Variants in MTMR9 observed in about 807,000 individuals in gnomAD.
The protein encoded by MTMR9 is myotubularin-related protein 9.
In MTMR9, 39 loss-of-function variants were observed where a neutral mutation model predicts 69.5. The ratio of observed to expected loss-of-function variants is 0.56; its 90% CI spans 0.43 to 0.73. The LOEUF (loss-of-function observed/expected upper bound fraction) is 0.73, where lower values mean the gene tolerates loss of function less well. Ranked by LOEUF, MTMR9 falls within the 30% of genes least tolerant of loss-of-function variation. MTMR9 has a pLI of 0.00. For missense variants in MTMR9, 900 were observed against 671.2 expected, an observed-to-expected ratio of 1.34 and a Z score of -3.77; for synonymous variants, 354 against 240.8, an observed-to-expected ratio of 1.47 and a Z score of -4.35.
intron 1 of MTMR9, chr8:11,285,278 G>A (rs1799107148): frequency 1.9e-6 from 1 of 525,976 alleles, no homozygotes; most frequent in Non-Finnish European, 3.3e-6. Context: ...AGTTCTCAGG[G>A]TTATCGTGTG....
In MTMR9 at chr8:11,323,346, C is replaced by G. The variant is rs1800780635; in HGVS notation, c.*558C>G. ...TGGACTAACGAAGCTGAAATCTATT[C>G]TCATTCTTGTTTGTCAAGAAAGGAA... On this transcript the variant is annotated 3_prime_UTR_variant, in exon 10 of 10. Coordinates refer to ENST00000221086, the MANE Select transcript of MTMR9 (RefSeq NM_015458.4). 6.6e-6 allele frequency: 1 copy of G among 152,220 alleles called. No individual in the cohort carries two copies. Among genetic ancestry groups the G allele is most frequent in the Non-Finnish European group, 1.5e-5 (1 of 68,028 alleles). The allele number at this position is 152,220 out of a possible 1,614,324, so 9.4% of individuals were successfully genotyped here. A position where few individuals can be genotyped will look rare whatever the true frequency, so the allele number is the denominator to read the frequency against.
chr8:11,286,933 C>T (rs1415822956), intron 1 of MTMR9, among the ~76,000 whole-genome samples: 1 of 152,116 alleles, frequency 6.6e-6, no homozygotes, highest in Non-Finnish European at 1.5e-5. Context: ...AATGCCTTGC[C>T]TCTCCCAAGT....
chr8:11,299,909 A>G (rs1213836718), intron 2 of MTMR9, 114 bp from the exon 3 acceptor site: 2 of 1,238,552 alleles, frequency 1.6e-6, no homozygotes, highest in African/African-American at 3.0e-5. Context: ...TTAGAGAAAC[A>G]TTCTGGGTGC....
At chr8:11,316,458 G>A (rs1800419030) in intron 7 of MTMR9, 2 of 398,380 alleles carry the variant, frequency 5.0e-6, no homozygotes, top group Admixed American at 4.2e-5. Flanking sequence ...TAGCCGCGCA[G>A]CCTCATTAAG....
rs761461863 is a variant in MTMR9 at position 11,284,916 on chromosome 8, C to A, written c.28C>A (p.Pro10Thr). Reference protein sequence around the residue: MEFAELIKTPRVDNVVLHRP... With the variant: MEFAELIKTTRVDNVVLHRP... ...GGAGTTTGCGGAGCTGATTAAGACCCCGCGGGTGGACAATGTGGTGCTGCA... is the reference window on the plus strand; with the variant it reads ...GGAGTTTGCGGAGCTGATTAAGACCACGCGGGTGGACAATGTGGTGCTGCA... Residue 10 changes from proline (P) to threonine (T), a missense_variant, in exon 1 of 10, where the codon CCG becomes ACG. Transcript: ENST00000221086. The A allele has an allele frequency of 6.2e-7, 1 of 1,611,696 alleles. No homozygotes were observed. The highest frequency in any genetic ancestry group is 8.5e-7 in the Non-Finnish European group (1 of 1,178,980).
downstream of MTMR9, among the ~76,000 whole-genome samples, chr8:11,330,346 C>T (rs1296957712): frequency 2.6e-5 from 4 of 152,006 alleles, no homozygotes; most frequent in East Asian, 5.9e-4. Flanking sequence ...AGGTGGGGGG[C>T]GCCTCTGCCC....
At chr8:11,331,566 C>A, downstream of MTMR9, 10 of 1,613,928 alleles carry the variant, frequency 6.2e-6, no homozygotes, top group Non-Finnish European at 8.5e-6. Context: ...GAGCCAGGGT[C>A]TCGGTGGCTA....
chr8:11,329,341 C>T (rs1421624630), downstream of MTMR9, among the ~76,000 whole-genome samples: 1 of 152,260 alleles, frequency 6.6e-6, no homozygotes, highest in Non-Finnish European at 1.5e-5. Context: ...CCCTCTCTTT[C>T]CATGGTCTCC....
At position 11,309,692 on chromosome 8, in the gene MTMR9, A is replaced by C. The variant is rs1223934969; in HGVS notation, c.971+4A>C. 2 of 1,613,000 alleles carry C rather than the reference A, an allele frequency of 1.2e-6. No individual in the cohort carries two copies. Among genetic ancestry groups the C allele is most frequent in the African/African-American group, 1.3e-5 (1 of 74,854 alleles). ...TAGCGGCTCAGTGCATCGACAGGTA[A>C]AGTGCATTTCAGCGTTCCTGAGCGA... On this transcript the variant is annotated splice_donor_region_variant and intron_variant, in intron 6 of 9. Transcript: ENST00000221086.
intron 1 of MTMR9, among the ~76,000 whole-genome samples, chr8:11,291,708 C>G (rs573120951): frequency 1.2e-3 from 187 of 152,202 alleles, no homozygotes; most frequent in African/African-American, 4.3e-3. Flanking sequence ...ACCTGCCAGA[C>G]TAACAAAACA....
rs1254003329 is a variant in MTMR9 at position 11,327,903 on chromosome 8, T to C, written c.*5115T>C. The stretch of plus-strand genomic sequence containing the variant: ...TAACATTTTAATATTGTTTGTAATA[T>C]TCACTAGGTGATAATTTCCCCTGTA... On this transcript the variant is annotated 3_prime_UTR_variant, in exon 10 of 10. Transcript: ENST00000221086. The C allele has an allele frequency of 1.3e-5, 2 of 152,458 alleles. No homozygotes were observed. Among genetic ancestry groups the C allele is most frequent in the Non-Finnish European group, 2.9e-5 (2 of 68,040 alleles). The allele number at this position is 152,458 out of a possible 1,614,324, so 9.4% of individuals were successfully genotyped here.
At chr8:11,294,708 C>G (rs1799489382) in intron 1 of MTMR9, 1 of 152,424 alleles carries the variant, frequency 6.6e-6, no homozygotes, top group Non-Finnish European at 1.5e-5. Context: ...CCAGGATGGT[C>G]TTGATCTCCT....
In MTMR9 at chr8:11,295,154, A is replaced by G. The variant is rs376438250; in HGVS notation, c.183-40A>G. The G allele has an allele frequency of 6.0e-6, 6 of 998,336 alleles. No homozygotes were observed. The African/African-American group carries it at 9.7e-5, about 16-fold the overall frequency. 61.8% of individuals were successfully genotyped at this position (998,336 alleles called of 1,614,324 possible). A position where few individuals can be genotyped will look rare whatever the true frequency, so the allele number is the denominator to read the frequency against. ...AAATAATAATATATTTAAAGTTAGT[A>G]ATATATGTGTTCCTAAACATGATTT... On this transcript the variant is annotated intron_variant, in intron 1 of 9. Transcript: ENST00000221086.
chr8:11,286,666 C>CAAAAAAAA (rs869105936), intron 1 of MTMR9, among the ~76,000 whole-genome samples: 1 of 71,660 alleles, frequency 1.4e-5, no homozygotes, highest in Non-Finnish European at 2.8e-5. Context: ...AACTCCATCT[C>CAAAAAAAA]AAAAAAAAAA....
At chr8:11,303,482 C>G (rs902307508) in intron 3 of MTMR9, among the ~76,000 whole-genome samples, 1 of 151,962 alleles carries the variant, frequency 6.6e-6, no homozygotes, top group Non-Finnish European at 1.5e-5. Flanking sequence ...GAACAGATAA[C>G]TACATTTTTT....
chr8:11,289,062 C>T (rs529411425), intron 1 of MTMR9, among the ~76,000 whole-genome samples: 89 of 152,088 alleles, frequency 5.9e-4, no homozygotes, highest in Non-Finnish European at 5.7e-4. Flanking sequence ...ATCCCAGCTA[C>T]TCAGGAGGCT....
chr8:11,322,710 A>T lies in MTMR9; in HGVS notation c.1572A>T (p.Glu524Asp), dbSNP rs757588602. The T allele has an allele frequency of 6.2e-6, 10 of 1,614,152 alleles. No homozygotes were observed. In the Admixed American group the frequency reaches 1.7e-4, roughly 27 times the overall value. ...EMVNIIEYNK[E>D]LQAKVNILRR... ...TTAACATCATTGAATATAATAAAGA[A>T]TTACAAGCAAAAGTCAATATCCTTC... Residue 524 changes from glutamate (E) to aspartate (D), a missense_variant, in exon 10 of 10, where the codon GAA (glutamate) becomes GAT (aspartate). By Grantham distance (45) the Glu-to-Asp change is conservative. Coordinates refer to ENST00000221086, the MANE Select transcript of MTMR9 (RefSeq NM_015458.4).
intron 2 of MTMR9, chr8:11,298,956 C>A: frequency 1.2e-6 from 1 of 809,724 alleles, no homozygotes; most frequent in Non-Finnish European, 1.5e-6. Context: ...TATGATGATA[C>A]ATGACCAAAT....
rs989603382 is a variant in MTMR9, at chr8:11,324,997, C to T, written c.*2209C>T. ...GTACCATCAAGGTAGACCCATCTTCCTGATGCACATTTGCTGTGCGAGCCA... is the reference window on the plus strand; with the variant it reads ...GTACCATCAAGGTAGACCCATCTTCTTGATGCACATTTGCTGTGCGAGCCA... On this transcript the variant is annotated 3_prime_UTR_variant, in exon 10 of 10. Transcript: ENST00000221086. 1 of 152,232 alleles carries T rather than the reference C, an allele frequency of 6.6e-6. No individual in the cohort carries two copies. Among genetic ancestry groups the T allele is most frequent in the Admixed American group, 6.5e-5 (1 of 15,278 alleles). 9.4% of individuals were successfully genotyped at this position (152,232 alleles called of 1,614,324 possible). A position where few individuals can be genotyped will look rare whatever the true frequency, so the allele number is the denominator to read the frequency against.
Sources: allele counts gnomAD v4.1 joint callset (sites outside exome capture counted in the v4.1 genomes callset), GRCh38; gene constraint gnomAD v4.1.1; transcripts MANE v1.5; gene names NCBI Gene and HGNC (gene_info 2026-07-23, HGNC 2026-07-21).